Variants in PREX1 observed in about 807,000 individuals in gnomAD.
The protein encoded by PREX1 is phosphatidylinositol-3,4,5-trisphosphate dependent Rac exchange factor 1.
PREX1 carries 41 observed loss-of-function variants against 198.3 expected under a neutral mutation model. That is an observed-to-expected ratio of 0.21 (90% CI 0.16 to 0.27). PREX1 has a LOEUF of 0.27. Ranked by LOEUF, PREX1 falls within the 10% of genes least tolerant of loss-of-function variation. The pLI is 1.00. For synonymous variants in PREX1, 843 were observed against 887.2 expected, an observed-to-expected ratio of 0.95 and a Z score of 0.89; for missense variants, 1,620 against 2,200.7, an observed-to-expected ratio of 0.74 and a Z score of 5.28.
intron 3 of PREX1, among the ~76,000 whole-genome samples, chr20:48,742,429 G>C (rs1476630929): frequency 6.6e-6 from 1 of 152,172 alleles, no homozygotes; most frequent in Non-Finnish European, 1.5e-5. Flanking sequence ...GGCACAGAGA[G>C]GTAAGGTCAT....
chr20:48,657,997 C>T (rs1221107572), intron 17 of PREX1, 139 bp downstream of exon 17: 2 of 868,262 alleles, frequency 2.3e-6, no homozygotes, highest in Non-Finnish European at 3.6e-6. Flanking sequence ...GACTCAGTTT[C>T]TCCACGTGAG....
At chr20:48,641,242 C>T (rs905510376) in intron 29 of PREX1, among the ~76,000 whole-genome samples, 3 of 152,112 alleles carry the variant, frequency 2.0e-5, no homozygotes, top group Non-Finnish European at 2.9e-5. Flanking sequence ...TTCACAAATC[C>T]CTCTCTTAAA....
chr20:48,713,225 G>A (rs2089942825), intron 5 of PREX1, among the ~76,000 whole-genome samples: 1 of 152,152 alleles, frequency 6.6e-6, no homozygotes, highest in African/African-American at 2.4e-5. Context: ...GCCAAGGCGG[G>A]CGGATCACCT....
intron 4 of PREX1, among the ~76,000 whole-genome samples, chr20:48,729,146 G>A (rs796789249): frequency 7.2e-5 from 11 of 151,764 alleles, no homozygotes; most frequent in African/African-American, 2.4e-4. Flanking sequence ...GTGCAATCTC[G>A]GCTCACTGCA....
At chr20:48,653,741 G>A (rs1221823707) in intron 19 of PREX1, among the ~76,000 whole-genome samples, 4 of 152,204 alleles carry the variant, frequency 2.6e-5, no homozygotes, top group South Asian at 4.1e-4. Context: ...CAAGGCAAAC[G>A]GGATCCGATT....
In PREX1 at chr20:48,808,083, G is replaced by A. The variant is rs528365979; in HGVS notation, c.219+19559C>T. 8.5e-5 allele frequency among the ~76,000 whole-genome samples: 13 copies of A among 152,246 alleles called. No individual in the cohort carries two copies. The East Asian group carries it at 2.1e-3, about 25-fold the overall frequency. The stretch of plus-strand genomic sequence containing the variant: ...GAAAGGGGAGGGGGGCACTGTTGTC[G>A]GAACATTCTGGATCCTGTTCATTCA... On this transcript the variant is annotated intron_variant, in intron 1 of 39. Coordinates refer to ENST00000371941, the MANE Select transcript of PREX1 (RefSeq NM_020820.4).
intron 10 of PREX1, among the ~76,000 whole-genome samples, chr20:48,683,804 G>A (rs571610794): frequency 5.3e-5 from 8 of 152,296 alleles, no homozygotes; most frequent in East Asian, 1.9e-4. Context: ...TACGTGGGCC[G>A]AGGAAAACAT....
At chr20:48,772,352 G>A (rs965630669) in intron 1 of PREX1, among the ~76,000 whole-genome samples, 2 of 152,228 alleles carry the variant, frequency 1.3e-5, no homozygotes, top group African/African-American at 2.4e-5. Flanking sequence ...CCAAGAAGGC[G>A]CAGGTGCGCA....
chr20:48,694,200 C>T (rs2089834152), intron 7 of PREX1, among the ~76,000 whole-genome samples: 1 of 152,208 alleles, frequency 6.6e-6, no homozygotes, highest in Non-Finnish European at 1.5e-5. Context: ...GTATGAGCCA[C>T]CACGCCCAGC....
chr20:48,668,454 G>A (rs2089654180), intron 14 of PREX1, among the ~76,000 whole-genome samples: 1 of 152,228 alleles, frequency 6.6e-6, no homozygotes, highest in African/African-American at 2.4e-5. Flanking sequence ...CTTGCAGCCA[G>A]GTCAATGAGC....
At chr20:48,715,927 C>T (rs1010988230) in intron 5 of PREX1, among the ~76,000 whole-genome samples, 5 of 152,180 alleles carry the variant, frequency 3.3e-5, no homozygotes, top group African/African-American at 1.2e-4. Flanking sequence ...GAGGTTAAAA[C>T]CCTCTTGCCC....
rs747367951 is a variant in PREX1 at position 48,745,070 on chromosome 20, C to T, written c.369G>A (p.Pro123=). ...CAAGTTCATGCTGAGACTGCGGCTC[C>T]GGGTGTAAACAATACTCCAAGGCGG... ...FLAALEYCLH[P]EPQSQHELGN... is the part of the protein sequence containing the mutation. The change falls in exon 3 of 40, where the codon CCG becomes CCA. Residue 123 remains proline, a synonymous_variant. Coordinates refer to ENST00000371941, the MANE Select transcript of PREX1 (RefSeq NM_020820.4). 20 of 1,613,984 alleles carry T rather than the reference C, an allele frequency of 1.2e-5. No homozygotes were observed. The highest frequency in any genetic ancestry group is 8.9e-5 in the East Asian group (4 of 44,896).
At position 48,629,640 on chromosome 20, in the gene PREX1, A is replaced by G. The variant is rs374941505; in HGVS notation, c.4594-19T>C. The G allele has an allele frequency of 1.7e-5, 27 of 1,610,192 alleles. No homozygotes were observed. Among genetic ancestry groups the G allele is most frequent in the Admixed American group, 1.0e-4 (6 of 59,910 alleles). On this transcript the variant is annotated intron_variant, in intron 36 of 39. Coordinates refer to ENST00000371941, the MANE Select transcript of PREX1 (RefSeq NM_020820.4). ...GGATCAGCTGTAGGGGGTACCACACATAACCGGGGAGTTGGAGGAGGTCCT... is the reference window on the plus strand; with the variant it reads ...GGATCAGCTGTAGGGGGTACCACACGTAACCGGGGAGTTGGAGGAGGTCCT...
rs1420205391 is a variant in PREX1 at position 48,655,277 on chromosome 20, G to A, written c.2209+13C>T. 6.5e-7 allele frequency: 1 copy of A among 1,542,092 alleles called. No homozygotes were observed. The highest frequency in any genetic ancestry group is 1.2e-5 in the South Asian group (1 of 86,594). ...TCTGCACCTTTCCCCTCTCTCCCAA[G>A]GCTCCCACTCACCTCTCCCCACAGC... On this transcript the variant is annotated intron_variant, in intron 19 of 39. Transcript: ENST00000371941.
chr20:48,658,266 G>A lies in PREX1; in HGVS notation c.1882-38C>T, dbSNP rs368187048. ...GGCAGAAGGAACCCGGTCAGGGAGC[G>A]AGGTGGGCCTACGGCCAGCCCCACC... is the stretch of plus-strand genomic sequence containing the variant. On this transcript the variant is annotated intron_variant, in intron 16 of 39. Coordinates refer to ENST00000371941, the MANE Select transcript of PREX1 (RefSeq NM_020820.4). 1.2e-4 allele frequency: 193 copies of A among 1,604,718 alleles called. No individual in the cohort carries two copies. In the African/African-American group the frequency reaches 2.1e-3, roughly 18 times the overall value.
the PREX1 span, among the ~76,000 whole-genome samples, chr20:48,854,755 C>T: frequency 1.3e-5 from 2 of 152,214 alleles, no homozygotes; most frequent in Non-Finnish European, 2.9e-5. Context: ...CAAGGTCAGT[C>T]ATATAGCCCA....
intron 14 of PREX1, among the ~76,000 whole-genome samples, chr20:48,672,660 C>T (rs1369338813): frequency 6.6e-6 from 1 of 152,256 alleles, no homozygotes; most frequent in African/African-American, 2.4e-5. Context: ...ACCTGGCTCG[C>T]TCTGCCTAAG....
intron 10 of PREX1, among the ~76,000 whole-genome samples, chr20:48,685,056 G>A (rs925764026): frequency 6.6e-6 from 1 of 152,158 alleles, no homozygotes; most frequent in African/African-American, 2.4e-5. Context: ...TTTCCTTAGC[G>A]CATTCATCAA....
At chr20:48,660,806 C>A (rs1445539061) in intron 15 of PREX1, among the ~76,000 whole-genome samples, 1 of 152,124 alleles carries the variant, frequency 6.6e-6, no homozygotes, top group East Asian at 1.9e-4. Flanking sequence ...GATAAATGGG[C>A]AAAGGATATG....
Sources: allele counts gnomAD v4.1 joint callset (sites outside exome capture counted in the v4.1 genomes callset), GRCh38; gene constraint gnomAD v4.1.1; transcripts MANE v1.5; gene names NCBI Gene and HGNC (gene_info 2026-07-23, HGNC 2026-07-21).